LRMDA: variants seen among roughly 807,000 people sequenced by gnomAD.
The protein encoded by LRMDA is leucine rich melanocyte differentiation associated, also known as leucine-rich melanocyte differentiation-associated protein.
A neutral mutation model predicts 29.8 loss-of-function variants in LRMDA; 18 were observed. That is an observed-to-expected ratio of 0.60 (90% CI 0.42 to 0.90). The LOEUF is 0.90. Among genes scored for constraint, LRMDA ranks in the 40% least tolerant of loss-of-function variants. The pLI, the probability that LRMDA is intolerant of heterozygous loss-of-function variation, is 0.00. For synonymous variants in LRMDA, 125 were observed against 109.4 expected (o/e 1.14, Z -0.89); for missense variants, 273 against 273.9 (o/e 1.00, Z 0.02).
intron 2 of LRMDA, among the ~76,000 whole-genome samples, chr10:75,693,282 T>A (rs988883914): frequency 3.9e-5 from 6 of 152,136 alleles, no homozygotes; most frequent in Non-Finnish European, 8.8e-5. Context: ...TGTGCAATGT[T>A]TTATGCTTGT....
At position 76,292,351 on chromosome 10, in the gene LRMDA, A is replaced by G. The variant is rs76292015; in HGVS notation, c.517-32050A>G. 2.0e-3 allele frequency among the ~76,000 whole-genome samples: 303 copies of G among 152,246 alleles called. 1 individual carries two copies. Among genetic ancestry groups the G allele is most frequent in the African/African-American group, 7.0e-3 (292 of 41,560 alleles). On this transcript the variant is annotated intron_variant, in intron 5 of 6. Transcript: ENST00000611255. The stretch of plus-strand genomic sequence containing the variant: ...TCAGATCACTTGCACAACCAAGCTC[A>G]CAGAGCTGGGTGGTGACGGAGCAGA...
At chr10:75,563,917 G>C (rs571379547) in intron 2 of LRMDA, among the ~76,000 whole-genome samples, 1 of 152,162 alleles carries the variant, frequency 6.6e-6, no homozygotes, top group Non-Finnish European at 1.5e-5. Context: ...GTACCCGGCC[G>C]TGTGAGGTGT....
chr10:75,515,091 C>G (rs1172266024), intron 2 of LRMDA, among the ~76,000 whole-genome samples: 1 of 151,956 alleles, frequency 6.6e-6, no homozygotes, highest in African/African-American at 2.4e-5. Context: ...TGTGGATGAA[C>G]CTTAAACATA....
At chr10:76,459,156 C>T (rs914580734) in intron 6 of LRMDA, among the ~76,000 whole-genome samples, 49 of 152,232 alleles carry the variant, frequency 3.2e-4, no homozygotes, top group African/African-American at 1.1e-3. Context: ...CCTCCACACA[C>T]GGCACCAAAT....
At chr10:76,158,452 T>C (rs1208019356) in intron 5 of LRMDA, among the ~76,000 whole-genome samples, 3 of 152,136 alleles carry the variant, frequency 2.0e-5, no homozygotes, top group Non-Finnish European at 4.4e-5. Flanking sequence ...TCTCCAAACT[T>C]AAGACTAGTG....
intron 2 of LRMDA, among the ~76,000 whole-genome samples, chr10:75,815,478 T>G (rs1461885627): frequency 6.6e-6 from 1 of 152,216 alleles, no homozygotes; most frequent in Non-Finnish European, 1.5e-5. Context: ...AAGTGAGATG[T>G]GCCTTGCTTT....
chr10:76,131,401 G>T lies in LRMDA; in HGVS notation c.516+72618G>T, dbSNP rs149560478. On this transcript the variant is annotated intron_variant, in intron 5 of 6. Coordinates refer to ENST00000611255, the MANE Select transcript of LRMDA (RefSeq NM_001305581.2). The stretch of plus-strand genomic sequence containing the variant: ...GCCATAGCCCTTCATCCCCCATCAC[G>T]TGGGTATCATATACCATTTCTAGTG... 6.8e-4 allele frequency among the ~76,000 whole-genome samples: 104 copies of T among 152,108 alleles called. 1 individual carries two copies. Among genetic ancestry groups the T allele is most frequent in the Admixed American group, 3.7e-3 (56 of 15,282 alleles).
intron 5 of LRMDA, among the ~76,000 whole-genome samples, chr10:76,286,758 T>C (rs1421060502): frequency 6.6e-6 from 1 of 152,232 alleles, no homozygotes; most frequent in Non-Finnish European, 1.5e-5. Flanking sequence ...TCATCCATTC[T>C]TTTGGGAGTA....
intron 6 of LRMDA, among the ~76,000 whole-genome samples, chr10:76,392,672 TTTA>T (rs1357456175): frequency 6.6e-6 from 1 of 151,630 alleles, no homozygotes; most frequent in Non-Finnish European, 1.5e-5. Context: ...TGTCACATAG[TTTA>T]TTATTTTTTT....
chr10:75,579,791 C>T (rs974265103), intron 2 of LRMDA, among the ~76,000 whole-genome samples: 2 of 152,190 alleles, frequency 1.3e-5, no homozygotes, highest in African/African-American at 4.8e-5. Flanking sequence ...AAACATAATC[C>T]ATCACATAAA....
At chr10:75,776,162 C>G (rs1843309448) in intron 2 of LRMDA, among the ~76,000 whole-genome samples, 1 of 152,212 alleles carries the variant, frequency 6.6e-6, no homozygotes, top group African/African-American at 2.4e-5. Flanking sequence ...TTCAGTGCCA[C>G]TTAGATGCTG....
chr10:75,663,287 A>G (rs1216009831), intron 2 of LRMDA, among the ~76,000 whole-genome samples: 3 of 152,094 alleles, frequency 2.0e-5, no homozygotes, highest in Admixed American at 6.5e-5. Context: ...TGGATTCCAT[A>G]TTTGCTATGG....
intron 5 of LRMDA, among the ~76,000 whole-genome samples, chr10:76,110,060 C>A (rs7894057): frequency 0.43 from 65,228 of 151,992 alleles, 15,839 homozygotes; most frequent in East Asian, 0.68. Flanking sequence ...GTCCTCTGAC[C>A]ACCAGAGAAA....
At chr10:75,546,109 A>G (rs1340454149) in intron 2 of LRMDA, among the ~76,000 whole-genome samples, 1 of 152,170 alleles carries the variant, frequency 6.6e-6, no homozygotes, top group Non-Finnish European at 1.5e-5. Flanking sequence ...GTTTCTTTAA[A>G]GACAATAGAC....
intron 6 of LRMDA, among the ~76,000 whole-genome samples, chr10:76,511,542 A>G (rs1469537150): frequency 1.3e-5 from 2 of 152,140 alleles, no homozygotes; most frequent in African/African-American, 4.8e-5. Flanking sequence ...ATTGCAAGAT[A>G]CAAGATCAAT....
At chr10:76,312,370 T>A (rs1384234537) in intron 5 of LRMDA, among the ~76,000 whole-genome samples, 1 of 152,012 alleles carries the variant, frequency 6.6e-6, no homozygotes, top group Non-Finnish European at 1.5e-5. Flanking sequence ...AAGCAGAGGG[T>A]CTGATGTATT....
intron 4 of LRMDA, among the ~76,000 whole-genome samples, chr10:76,057,117 G>C (rs1318656485): frequency 6.6e-6 from 1 of 152,144 alleles, no homozygotes; most frequent in African/African-American, 2.4e-5. Flanking sequence ...TTGCCTTAAG[G>C]TGTGGTTCCT....
chr10:76,338,392 A>ATAAG (rs1840996190), intron 6 of LRMDA, among the ~76,000 whole-genome samples: 1 of 149,974 alleles, frequency 6.7e-6, no homozygotes, highest in Admixed American at 6.6e-5. Flanking sequence ...AAATAAATAA[A>ATAAG]TAAATAATAA....
chr10:75,871,329 C>T (rs945625046), intron 2 of LRMDA, among the ~76,000 whole-genome samples: 4 of 152,136 alleles, frequency 2.6e-5, no homozygotes, highest in African/African-American at 9.7e-5. Context: ...TTCCCAGGAG[C>T]CAAATGAGCC....
Sources: allele counts gnomAD v4.1 joint callset (sites outside exome capture counted in the v4.1 genomes callset), GRCh38; gene constraint gnomAD v4.1.1; transcripts MANE v1.5; gene names NCBI Gene and HGNC (gene_info 2026-07-23, HGNC 2026-07-21).